SYT1: variants seen among roughly 807,000 people sequenced by gnomAD.
SYT1 encodes the protein synaptotagmin-1.
A neutral mutation model predicts 44.8 loss-of-function variants in SYT1; 8 were observed. The ratio of observed to expected loss-of-function variants is 0.18; its 90% CI spans 0.10 to 0.32. SYT1 has a LOEUF of 0.32. Among genes scored for constraint, SYT1 ranks in the 10% least tolerant of loss-of-function variants. SYT1 has a pLI of 1.00. For missense variants in SYT1, 286 were observed against 509.3 expected (o/e 0.56, Z 4.22); for synonymous variants, 154 against 188.8 (o/e 0.82, Z 1.51).
chr12:79,314,062 G>T (rs374604014), intron 8 of SYT1, among the ~76,000 whole-genome samples: 2 of 149,986 alleles, frequency 1.3e-5, no homozygotes, highest in Admixed American at 6.6e-5. Flanking sequence ...CCAGCTACTC[G>T]GGAGGCTGAG....
intron 3 of SYT1, among the ~76,000 whole-genome samples, chr12:79,052,157 C>T (rs895374427): frequency 2.0e-4 from 30 of 152,034 alleles, no homozygotes; most frequent in African/African-American, 6.5e-4. Flanking sequence ...TTCCTACCCA[C>T]GAGCATGGAA....
At chr12:78,973,822 G>C (rs1228091259) in intron 1 of SYT1, among the ~76,000 whole-genome samples, 3 of 147,924 alleles carry the variant, frequency 2.0e-5, no homozygotes, top group Non-Finnish European at 4.5e-5. Context: ...TGATGTTCTA[G>C]GTCCTAGACA....
chr12:79,018,710 G>T (rs1446277938), intron 2 of SYT1, among the ~76,000 whole-genome samples: 1 of 151,998 alleles, frequency 6.6e-6, no homozygotes, highest in African/African-American at 2.4e-5. Flanking sequence ...TGGAAGAAAA[G>T]TTGCTCCTTA....
At chr12:79,002,123 A>G (rs1870777947) in intron 2 of SYT1, among the ~76,000 whole-genome samples, 1 of 152,134 alleles carries the variant, frequency 6.6e-6, no homozygotes, top group African/African-American at 2.4e-5. Flanking sequence ...GTATAAAAAT[A>G]TAATGTTTGT....
chr12:78,973,930 AAAAAAAAAATATATATATATATATAT>A (rs1868581789), intron 1 of SYT1, among the ~76,000 whole-genome samples: 1 of 42,568 alleles, frequency 2.3e-5, no homozygotes, highest in South Asian at 8.3e-4. Flanking sequence ...AAAAAAAAAA[AAAAAAAAAATATATATATATATATAT>A]ATATATATAT....
At chr12:79,279,096 A>G (rs953609739) in intron 4 of SYT1, among the ~76,000 whole-genome samples, 1 of 151,980 alleles carries the variant, frequency 6.6e-6, no homozygotes, top group African/African-American at 2.4e-5. Flanking sequence ...TAAAACTGAC[A>G]TCAATCCTAC....
chr12:79,010,933 T>C (rs941207642), intron 2 of SYT1, among the ~76,000 whole-genome samples: 1 of 152,196 alleles, frequency 6.6e-6, no homozygotes, highest in African/African-American at 2.4e-5. Flanking sequence ...ACCTATTTTA[T>C]TTCCCCTCAA....
chr12:78,917,366 CT>C (rs1876721319), intron 1 of SYT1, among the ~76,000 whole-genome samples: 1 of 151,894 alleles, frequency 6.6e-6, no homozygotes, highest in African/African-American at 2.4e-5. Context: ...CCAAAGTTGA[CT>C]GTAGGACCCA....
At chr12:79,175,876 A>G (rs1227749466) in intron 3 of SYT1, among the ~76,000 whole-genome samples, 1 of 152,132 alleles carries the variant, frequency 6.6e-6, no homozygotes, top group Non-Finnish European at 1.5e-5. Flanking sequence ...GCATCCCCAC[A>G]GTCAACAATG....
At chr12:79,406,871 T>C (rs886775436) in intron 9 of SYT1, among the ~76,000 whole-genome samples, 1 of 152,110 alleles carries the variant, frequency 6.6e-6, no homozygotes, top group Non-Finnish European at 1.5e-5. Context: ...TCCCGGAATG[T>C]CTGCTATTTT....
intron 3 of SYT1, among the ~76,000 whole-genome samples, chr12:79,097,622 C>T (rs1419266154): frequency 6.6e-6 from 1 of 151,982 alleles, no homozygotes; most frequent in African/African-American, 2.4e-5. Context: ...AACACGCTCA[C>T]AAACTAAAGC....
chr12:79,289,095 C>A (rs757228301), intron 5 of SYT1, among the ~76,000 whole-genome samples: 1 of 152,128 alleles, frequency 6.6e-6, no homozygotes, highest in Non-Finnish European at 1.5e-5. Context: ...TTTTCTAGTG[C>A]GCCTTATTAA....
rs1282234611 is a variant in SYT1, at chr12:79,041,550, C to G, written c.-83-5747C>G. Reference sequence around the variant, plus strand: ...CTGAGACAATGGGGTTTTCTTGATACACAATCATGTCGTCTGCAAACAGGG... The same window carrying G: ...CTGAGACAATGGGGTTTTCTTGATAGACAATCATGTCGTCTGCAAACAGGG... On this transcript the variant is annotated intron_variant, in intron 2 of 10. Coordinates refer to ENST00000261205, the MANE Select transcript of SYT1 (RefSeq NM_005639.3). 2.6e-5 allele frequency among the ~76,000 whole-genome samples: 4 copies of G among 152,192 alleles called. No individual in the cohort carries two copies. In the East Asian group the frequency reaches 7.7e-4, roughly 29 times the overall value.
chr12:79,376,713 T>A (rs1456476197), intron 9 of SYT1, among the ~76,000 whole-genome samples: 1 of 152,194 alleles, frequency 6.6e-6, no homozygotes. Flanking sequence ...CTAGTTTACA[T>A]TGCAGTGAGC....
intron 4 of SYT1, among the ~76,000 whole-genome samples, chr12:79,244,429 G>A (rs1305702811): frequency 6.6e-6 from 1 of 152,168 alleles, no homozygotes; most frequent in Admixed American, 6.5e-5. Context: ...GTGATAGCCT[G>A]GCACAGTGGC....
chr12:79,043,282 A>G (rs1387057001), intron 2 of SYT1, among the ~76,000 whole-genome samples: 3 of 150,706 alleles, frequency 2.0e-5, no homozygotes, highest in Non-Finnish European at 4.4e-5. Flanking sequence ...TGGGTCACTC[A>G]GGACTTGCTT....
At chr12:79,045,816 C>T (rs577712001) in intron 2 of SYT1, 5 of 152,264 alleles carry the variant, frequency 3.3e-5, no homozygotes, top group African/African-American at 1.2e-4. Flanking sequence ...CTTTGGGAAG[C>T]CTGGCCCTTG....
chr12:79,368,842 G>C (rs1409048416), intron 9 of SYT1, among the ~76,000 whole-genome samples: 1 of 152,180 alleles, frequency 6.6e-6, no homozygotes, highest in Non-Finnish European at 1.5e-5. Flanking sequence ...CTCCCATTCT[G>C]TAGGTTGCCT....
chr12:79,008,334 G>A (rs1198940722), intron 2 of SYT1, among the ~76,000 whole-genome samples: 1 of 152,122 alleles, frequency 6.6e-6, no homozygotes, highest in Admixed American at 6.6e-5. Context: ...AAGAAGAAGA[G>A]AGGATTGGAT....
Sources: gnomAD v4.1 joint callset for allele counts (sites outside exome capture counted in the v4.1 genomes callset) on GRCh38, gnomAD v4.1.1 for gene constraint, MANE v1.5 for transcripts, NCBI Gene and HGNC (gene_info 2026-07-23, HGNC 2026-07-21) for gene names.